Variants in VTCN1 observed in about 807,000 individuals in gnomAD.
VTCN1 encodes the protein V-set domain containing T cell activation inhibitor 1, also known as V-set domain-containing T-cell activation inhibitor 1.
Under a neutral mutation model 26.5 loss-of-function variants are expected in VTCN1, and 26 were observed. That is an observed-to-expected ratio of 0.98 (90% CI 0.72 to 1.36). The LOEUF is 1.36. VTCN1 is among the 40% of genes most tolerant of loss of function. VTCN1 has a pLI of 0.00. For missense variants in VTCN1, 298 were observed against 337.7 expected, an observed-to-expected ratio of 0.88 and a Z score of 0.92; for synonymous variants, 116 against 130.7, an observed-to-expected ratio of 0.89 and a Z score of 0.77.
intron 1 of VTCN1, among the ~76,000 whole-genome samples, chr1:117,205,561 G>A (rs1485985423): frequency 6.6e-6 from 1 of 152,186 alleles, no homozygotes; most frequent in Non-Finnish European, 1.5e-5. Flanking sequence ...TCCACAGGCT[G>A]CAGCTAATTC....
chr1:117,188,907 G>A (rs1432753420), intron 1 of VTCN1, among the ~76,000 whole-genome samples: 1 of 152,126 alleles, frequency 6.6e-6, no homozygotes, highest in Non-Finnish European at 1.5e-5. Flanking sequence ...TTAGAAATCT[G>A]CTCTTAATTA....
intron 1 of VTCN1, among the ~76,000 whole-genome samples, chr1:117,181,057 G>T (rs1489355729): frequency 6.6e-6 from 1 of 152,208 alleles, no homozygotes; most frequent in East Asian, 1.9e-4. Context: ...GGGCTATCGT[G>T]AGGGTCCAAA....
At chr1:117,203,260 G>A (rs565668332) in intron 1 of VTCN1, among the ~76,000 whole-genome samples, 1 of 152,144 alleles carries the variant, frequency 6.6e-6, no homozygotes, top group South Asian at 2.1e-4. Context: ...GAGAAGGGAT[G>A]GGGGTTGTAA....
Position 117,161,464 on chromosome 1 carries a change from G to T in VTCN1, c.98-4543C>A, listed in dbSNP as rs1652365991. Among the ~76,000 whole-genome samples the T allele has an allele frequency of 6.6e-6, 1 of 151,912 alleles. No homozygotes were observed. Among genetic ancestry groups the T allele is most frequent in the Non-Finnish European group, 1.5e-5 (1 of 67,948 alleles). On this transcript the variant is annotated intron_variant, in intron 2 of 5. Transcript: ENST00000369458. This position sits in a 1 kb window ranked among gnomAD's most constrained non-coding sequence, Gnocchi z 4.3. ...TTTCCTGTAACTTTTTGTCTTTTTGGCCTTTATTATAGCAGCTGTCTCCCT... is the reference window on the plus strand; with the variant it reads ...TTTCCTGTAACTTTTTGTCTTTTTGTCCTTTATTATAGCAGCTGTCTCCCT...
At chr1:117,157,040 A>T in intron 2 of VTCN1, 119 bp from the exon 3 acceptor site, 1 of 1,579,816 alleles carries the variant, frequency 6.3e-7, no homozygotes, top group South Asian at 1.1e-5. Flanking sequence ...ACAGAAGAAC[A>T]TGAGAGGCAA....
rs1647276036 is a variant in VTCN1 at position 117,175,356 on chromosome 1, T to C, written c.33-5185A>G. ...AGGGGATATAAAAAATGCACAGATA[T>C]AATAAAATAAACACTCCCGCTGCTG... On this transcript the variant is annotated intron_variant, in intron 1 of 5. Coordinates refer to ENST00000369458, the MANE Select transcript of VTCN1 (RefSeq NM_024626.4). This position sits in a 1 kb window ranked among gnomAD's most constrained non-coding sequence, Gnocchi z 4.2. 6.6e-6 allele frequency among the ~76,000 whole-genome samples: 1 copy of C among 152,090 alleles called. No individual in the cohort carries two copies. Among genetic ancestry groups the C allele is most frequent in the Admixed American group, 6.5e-5 (1 of 15,268 alleles).
chr1:117,158,290 C>T (rs900040373), intron 2 of VTCN1, among the ~76,000 whole-genome samples: 6 of 152,214 alleles, frequency 3.9e-5, no homozygotes, highest in African/African-American at 7.2e-5. Flanking sequence ...AGCCCCACTC[C>T]TGCAGCAATC....
chr1:117,208,871 G>A (rs1441466650), intron 1 of VTCN1, among the ~76,000 whole-genome samples: 5 of 152,176 alleles, frequency 3.3e-5, no homozygotes, highest in Non-Finnish European at 5.9e-5. Context: ...GCAGAGGATG[G>A]CAGGCCCTTT....
At chr1:117,185,008 G>A (rs1302640279) in intron 1 of VTCN1, among the ~76,000 whole-genome samples, 1 of 152,270 alleles carries the variant, frequency 6.6e-6, no homozygotes, top group South Asian at 2.1e-4. Flanking sequence ...AGGAACAAAT[G>A]CTGGTACCTC....
At chr1:117,192,758 AT>A (rs1417267270) in intron 1 of VTCN1, among the ~76,000 whole-genome samples, 1 of 152,154 alleles carries the variant, frequency 6.6e-6, no homozygotes, top group Non-Finnish European at 1.5e-5. Flanking sequence ...CTCAAAAAAA[AT>A]TCTAGTAGAC....
intron 2 of VTCN1, among the ~76,000 whole-genome samples, chr1:117,165,908 A>G (rs919661054): frequency 1.3e-5 from 2 of 152,264 alleles, no homozygotes; most frequent in Admixed American, 6.5e-5. Flanking sequence ...TAAAGGTTAT[A>G]GTCCTTTTAA....
intron 2 of VTCN1, among the ~76,000 whole-genome samples, chr1:117,163,189 C>T (rs928390549): frequency 4.6e-5 from 7 of 152,294 alleles, no homozygotes; most frequent in South Asian, 2.1e-4. Flanking sequence ...AGGCCAGATA[C>T]GGGAACAATG....
At chr1:117,199,611 C>T (rs180815043) in intron 1 of VTCN1, among the ~76,000 whole-genome samples, 97 of 152,064 alleles carry the variant, frequency 6.4e-4, no homozygotes, top group African/African-American at 2.2e-3. Flanking sequence ...CAGGCGTGGG[C>T]CACTGTGCCC....
intron 1 of VTCN1, among the ~76,000 whole-genome samples, chr1:117,202,263 A>T (rs1648827571): frequency 6.6e-6 from 1 of 152,198 alleles, no homozygotes; most frequent in Non-Finnish European, 1.5e-5. Context: ...CTGACTACAG[A>T]GCTTGGTGGC....
In VTCN1 at chr1:117,175,404, G is replaced by A. The variant is rs1481500118; in HGVS notation, c.33-5233C>T. On this transcript the variant is annotated intron_variant, in intron 1 of 5. Transcript: ENST00000369458. This position sits in a 1 kb window ranked among gnomAD's most constrained non-coding sequence, Gnocchi z 4.2. ...CTGGGTGCTGTGAGCCGGCGTGGTC[G>A]CTGTGAAGCGGATGTGCAGCCTAGG... Among the ~76,000 whole-genome samples the A allele has an allele frequency of 6.6e-6, 1 of 152,230 alleles. No homozygotes were observed. Among genetic ancestry groups the A allele is most frequent in the Non-Finnish European group, 1.5e-5 (1 of 68,044 alleles).
At chr1:117,201,907 G>C (rs1244962608) in intron 1 of VTCN1, among the ~76,000 whole-genome samples, 1 of 152,182 alleles carries the variant, frequency 6.6e-6, no homozygotes, top group Non-Finnish European at 1.5e-5. Context: ...AGTTTCCTTG[G>C]ATGAGCAGAA....
chr1:117,178,588 GTTT>G (rs10657719), intron 1 of VTCN1, among the ~76,000 whole-genome samples: 1 of 88,274 alleles, frequency 1.1e-5, no homozygotes. Context: ...TCTTTCTTTC[GTTT>G]TTTTTTTTTT....
intron 2 of VTCN1, among the ~76,000 whole-genome samples, chr1:117,158,934 A>T (rs538787107): frequency 1.3e-5 from 2 of 152,268 alleles, no homozygotes; most frequent in African/African-American, 4.8e-5. Context: ...TTAAAACATA[A>T]CAAGAGTCAC....
At chr1:117,176,880 C>G (rs1364428827) in intron 1 of VTCN1, among the ~76,000 whole-genome samples, 1 of 152,194 alleles carries the variant, frequency 6.6e-6, no homozygotes, top group Non-Finnish European at 1.5e-5. Flanking sequence ...GGGCAGAGCA[C>G]TTGAGGTCAG....
Sources: allele counts gnomAD v4.1 joint callset (sites outside exome capture counted in the v4.1 genomes callset), GRCh38; gene constraint gnomAD v4.1.1; non-coding constraint Gnocchi (gnomAD v3.1); transcripts MANE v1.5; gene names NCBI Gene and HGNC (gene_info 2026-07-23, HGNC 2026-07-21).